Variants in RYR1 observed in about 807,000 individuals in gnomAD.
RYR1 encodes the protein central core disease of muscle.
Under a neutral mutation model 583.5 loss-of-function variants are expected in RYR1, and 342 were observed. That is an observed-to-expected ratio of 0.59 (90% CI 0.54 to 0.64). The LOEUF is 0.64. Among genes scored for constraint, RYR1 ranks in the 30% least tolerant of loss-of-function variants. The probability of loss-of-function intolerance (pLI) is 0.00; values close to 1 mark genes in which losing one functional copy is unlikely to be tolerated. For missense variants in RYR1, 6,032 were observed against 6,917.2 expected, an observed-to-expected ratio of 0.87 and a Z score of 4.54; for synonymous variants, 2,791 against 2,822.5, an observed-to-expected ratio of 0.99 and a Z score of 0.35.
Position 38,512,396 on chromosome 19 carries a change from C to T in RYR1, c.9385C>T (p.Leu3129Phe), listed in dbSNP as rs143445685. The change falls in exon 63 of 106, where the codon CTC becomes TTC. Residue 3129 changes from leucine to phenylalanine, a missense_variant. Physicochemically the swap from Leu to Phe is conservative, Grantham distance 22 (BLOSUM62 0). Coordinates refer to ENST00000359596, the MANE Select transcript of RYR1 (RefSeq NM_000540.3). The surrounding 1 kb of genome is among the most constrained non-coding windows in gnomAD (Gnocchi z 5.1). Reference protein sequence around the residue: ...RTQVKGVGQNLTYTTVALLPV... With the variant: ...RTQVKGVGQNFTYTTVALLPV... ...CCAGGTGAAAGGCGTGGGCCAGAAC[C>T]TCACCTACACCACTGTGGCACTGCT... 6.4e-5 allele frequency: 104 copies of T among 1,614,012 alleles called. No individual in the cohort carries two copies. In the African/African-American group the frequency reaches 1.3e-3, roughly 21 times the overall value.
At chr19:38,482,913 G>C (rs1969083144) in intron 31 of RYR1, 114 bp from the exon 32 acceptor site, 3 of 915,794 alleles carry the variant, frequency 3.3e-6, no homozygotes, top group Non-Finnish European at 5.4e-6. Context: ...AGCCATTTTG[G>C]AGCCTCTAAC....
At position 38,466,139 on chromosome 19, in the gene RYR1, C is replaced by G. The variant is rs139363830; in HGVS notation, c.2919C>G (p.His973Gln). Residue 973 changes from histidine to glutamine, a missense_variant, in exon 24 of 106, where the codon CAC becomes CAG. By Grantham distance (24) the His-to-Gln change is conservative (BLOSUM62 0). Transcript: ENST00000359596. Reference sequence around the variant, plus strand: ...AGCCGGCTCCGCTGGACCTGAGCCACGTGCGGCTGACGCCGGCGCAGACGA... The same window carrying G: ...AGCCGGCTCCGCTGGACCTGAGCCAGGTGCGGCTGACGCCGGCGCAGACGA... Reference protein sequence around the residue: ...GYKPAPLDLSHVRLTPAQTTL... With the variant: ...GYKPAPLDLSQVRLTPAQTTL... 1.2e-6 allele frequency: 2 copies of G among 1,613,302 alleles called. No individual in the cohort carries two copies. The highest frequency in any genetic ancestry group is 2.7e-5 in the African/African-American group (2 of 75,038).
At position 38,537,929 on chromosome 19, in the gene RYR1, C is replaced by T. The variant is rs2145756550; in HGVS notation, c.11658C>T (p.Phe3886=). Residue 3886 remains phenylalanine (F), a synonymous_variant, in exon 84 of 106, where the codon TTC becomes TTT. Coordinates refer to ENST00000359596, the MANE Select transcript of RYR1 (RefSeq NM_000540.3). ...DDEFTQDLFR[F]LQLLCEGHNN... ...AATTCACACAAGACCTGTTCCGATT[C>T]CTACAATTGCTCTGTGAGGGGCACA... 1.9e-6 allele frequency: 3 copies of T among 1,614,072 alleles called. No individual in the cohort carries two copies. Among genetic ancestry groups the T allele is most frequent in the Middle Eastern group, 1.7e-4 (1 of 6,044 alleles).
chr19:38,532,849 C>T (rs1005429486), intron 78 of RYR1, 113 bp downstream of exon 78: 1 of 1,034,674 alleles, frequency 9.7e-7, no homozygotes, highest in Admixed American at 2.0e-5. Flanking sequence ...ACAGCAGTGA[C>T]CAAGTCAGTC....
chr19:38,580,707 T>C (rs1229067480), intron 101 of RYR1, among the ~76,000 whole-genome samples: 1 of 151,938 alleles, frequency 6.6e-6, no homozygotes, highest in African/African-American at 2.4e-5. Flanking sequence ...TAAAAAAAAA[T>C]TTAAACGTTA....
rs1355487795 is a variant in RYR1 at position 38,587,311 on chromosome 19, A to G, written c.15022-14A>G. ...AAGATGTGACCAATGAACTCTTTCT[A>G]TCCCCAATCCTAGGAGTCTTATGTC... On this transcript the variant is annotated splice_polypyrimidine_tract_variant and intron_variant, in intron 105 of 105. Transcript: ENST00000359596. The G allele has an allele frequency of 2.5e-6, 4 of 1,580,818 alleles. No individual in the cohort carries two copies. Among genetic ancestry groups the G allele is most frequent in the African/African-American group, 2.7e-5 (2 of 74,136 alleles).
rs113831421 is a variant in RYR1, at chr19:38,477,727, G to A, written c.4311G>A (p.Arg1437=). 8.1e-6 allele frequency: 13 copies of A among 1,614,156 alleles called. No individual in the cohort carries two copies. The highest frequency in any genetic ancestry group is 2.7e-5 in the African/African-American group (2 of 75,042). Residue 1437 remains arginine, a synonymous_variant, in exon 30 of 106, where the codon AGG becomes AGA. Transcript: ENST00000359596. ...LNTTTYYYSV[R]VFAGQEPSCV... ...GTCACCAGTACTATTACTCCGTGAGGGTCTTTGCTGGACAGGAGCCCAGCT... is the reference window on the plus strand; with the variant it reads ...GTCACCAGTACTATTACTCCGTGAGAGTCTTTGCTGGACAGGAGCCCAGCT...
intron 87 of RYR1, among the ~76,000 whole-genome samples, chr19:38,544,457 TACTGTTCCGCAGGTCGTGC>T (rs1972339982): frequency 6.6e-6 from 1 of 152,220 alleles, no homozygotes; most frequent in African/African-American, 2.4e-5. Flanking sequence ...GGCTGCCATA[TACTGTTCCGCAGGTCGTGC>T]ACTGCACAAA....
intron 1 of RYR1, among the ~76,000 whole-genome samples, chr19:38,440,136 A>G (rs1442906830): frequency 6.6e-6 from 1 of 152,100 alleles, no homozygotes; most frequent in Admixed American, 6.6e-5. Context: ...CCATTTTAAA[A>G]TGGGGATAAG....
chr19:38,584,177 T>C (rs934613862), intron 101 of RYR1, among the ~76,000 whole-genome samples: 3 of 151,514 alleles, frequency 2.0e-5, no homozygotes, highest in Admixed American at 6.6e-5. Context: ...CCCTAGCTCA[T>C]CCCTGGTCAC....
chr19:38,557,159 T>C (rs1205697798), intron 89 of RYR1, among the ~76,000 whole-genome samples: 1 of 148,212 alleles, frequency 6.7e-6, no homozygotes, highest in African/African-American at 2.5e-5. Context: ...GTTCAAGCGA[T>C]TCTCCTGCCT....
At position 38,546,456 on chromosome 19, in the gene RYR1, G is replaced by C. The variant is rs1972429144; in HGVS notation, c.12024G>C (p.Gln4008His). 6.2e-7 allele frequency: 1 copy of C among 1,613,936 alleles called. No individual in the cohort carries two copies. The highest frequency in any genetic ancestry group is 8.5e-7 in the Non-Finnish European group (1 of 1,179,962). The change falls in exon 88 of 106, where the codon CAG becomes CAC. Residue 4008 changes from glutamine to histidine, a missense_variant. Gln to His is a conservative substitution (Grantham distance 24). Coordinates refer to ENST00000359596, the MANE Select transcript of RYR1 (RefSeq NM_000540.3). Reference sequence around the variant, plus strand: ...GCTGGGATCTCTAGGACTCAAGCCAGATCGAGCTGCTGAAGGAGCTGCTGG... The same window carrying C: ...GCTGGGATCTCTAGGACTCAAGCCACATCGAGCTGCTGAAGGAGCTGCTGG... ...MMMKLAQDSSQIELLKELLDL... is the reference protein window; with the variant it reads ...MMMKLAQDSSHIELLKELLDL...
rs756827391 is a variant in RYR1 at position 38,516,236 on chromosome 19, G to A, written c.9685+19G>A. 1.3e-6 allele frequency: 2 copies of A among 1,581,450 alleles called. No individual in the cohort carries two copies. The highest frequency in any genetic ancestry group is 1.2e-5 in the South Asian group (1 of 86,486). On this transcript the variant is annotated intron_variant, in intron 65 of 105. Transcript: ENST00000359596. Reference sequence around the variant, plus strand: ...CGGGCCAGTAAGCTGTGTGGGGCGGGAGCAGTGCTGGGAGTCCAAATCTCC... The same window carrying A: ...CGGGCCAGTAAGCTGTGTGGGGCGGAAGCAGTGCTGGGAGTCCAAATCTCC...
Position 38,565,815 on chromosome 19 carries a change from A to T in RYR1, c.13437+44A>T. The stretch of plus-strand genomic sequence containing the variant: ...TTTTGGGGTTTTGGAAAGATGGGGG[A>T]TTGGAGGGAGGAAGAGAGCCCGGCT... On this transcript the variant is annotated intron_variant, in intron 91 of 105. Coordinates refer to ENST00000359596, the MANE Select transcript of RYR1 (RefSeq NM_000540.3). The surrounding 1 kb of genome is among the most constrained non-coding windows in gnomAD (Gnocchi z 4.7). The T allele has an allele frequency of 7.3e-7, 1 of 1,365,652 alleles. No individual in the cohort carries two copies. Among genetic ancestry groups the T allele is most frequent in the Non-Finnish European group, 9.4e-7 (1 of 1,067,154 alleles). 84.6% of individuals were successfully genotyped at this position (1,365,652 alleles called of 1,614,324 possible). A position where few individuals can be genotyped will look rare whatever the true frequency, so the allele number is the denominator to read the frequency against.
rs55876273 is a variant in RYR1, at chr19:38,527,707, G to A, written c.10747G>A (p.Glu3583Lys). The A allele has an allele frequency of 3.1e-6, 5 of 1,614,124 alleles. No individual in the cohort carries two copies. The highest frequency in any genetic ancestry group is 1.1e-5 in the South Asian group (1 of 91,076). The change falls in exon 73 of 106, where the codon GAG (glutamate) becomes AAG (lysine). Residue 3583 changes from glutamate to lysine, a missense_variant. By Grantham distance (56) the Glu-to-Lys change is moderately conservative (BLOSUM62 1). Transcript: ENST00000359596. Reference sequence around the variant, plus strand: ...TCTGTACCGGGGCGTCCCGGGTCGCGAGGAGGACGCCGATGACCCCGAGAA... The same window carrying A: ...TCTGTACCGGGGCGTCCCGGGTCGCAAGGAGGACGCCGATGACCCCGAGAA... ...MALYRGVPGREEDADDPEKIV... is the reference protein window; with the variant it reads ...MALYRGVPGRKEDADDPEKIV...
intron 18 of RYR1, 55 bp from the exon 19 acceptor site, chr19:38,459,091 A>G (rs970318257): frequency 3.9e-5 from 57 of 1,452,434 alleles, no homozygotes; most frequent in Non-Finnish European, 5.2e-5. Context: ...TTCTCTTGTT[A>G]TCATTGGTTC....
At position 38,505,375 on chromosome 19, in the gene RYR1, C is replaced by A. The variant is rs369040621; in HGVS notation, c.8377C>A (p.Pro2793Thr). ...GCTGAAGACCCACCCCATGCTGAGG[C>A]CCTACAAGACCTTTTCAGAGAAGGT... is the stretch of plus-strand genomic sequence containing the variant. Reference protein sequence around the residue: ...EELKTHPMLRPYKTFSEKDKE... With the variant: ...EELKTHPMLRTYKTFSEKDKE... The change falls in exon 53 of 106, where the codon CCC (proline) becomes ACC (threonine). Residue 2793 changes from proline (P) to threonine (T), a missense_variant. This residue lies in a region of RYR1 where 1,493 missense variants were observed against 1,715.5 expected (regional missense o/e 0.87). Coordinates refer to ENST00000359596, the MANE Select transcript of RYR1 (RefSeq NM_000540.3). 6.2e-7 allele frequency: 1 copy of A among 1,610,936 alleles called. No individual in the cohort carries two copies. Among genetic ancestry groups the A allele is most frequent in the Non-Finnish European group, 8.5e-7 (1 of 1,178,426 alleles).
chr19:38,543,334 T>C lies in RYR1; in HGVS notation c.11690-13T>C. On this transcript the variant is annotated splice_polypyrimidine_tract_variant and intron_variant, in intron 84 of 105. Transcript: ENST00000359596. This position sits in a 1 kb window ranked among gnomAD's most constrained non-coding sequence, Gnocchi z 4.4. ...ATGGGAGGTGCTGGATAAATGACTT[T>C]TCATCTCCCCAGATTTCCAGAACTA... is the stretch of plus-strand genomic sequence containing the variant. 6.2e-7 allele frequency: 1 copy of C among 1,613,036 alleles called. No individual in the cohort carries two copies. Among genetic ancestry groups the C allele is most frequent in the South Asian group, 1.1e-5 (1 of 91,054 alleles).
rs1362866280 is a variant in RYR1, at chr19:38,572,373, G to C, written c.13998+103G>C. On this transcript the variant is annotated intron_variant, in intron 95 of 105. Coordinates refer to ENST00000359596, the MANE Select transcript of RYR1 (RefSeq NM_000540.3). ...GGGCTGGGGGCCCTCAAAGTGGTTG[G>C]GACAGAGGGGGCCTAGGGTTGGGGT... 11 of 1,295,148 alleles carry C rather than the reference G, an allele frequency of 8.5e-6. No individual in the cohort carries two copies. In the Admixed American group the frequency reaches 2.3e-4, roughly 27 times the overall value. 80.2% of individuals were successfully genotyped at this position (1,295,148 alleles called of 1,614,324 possible).
Sources: allele counts gnomAD v4.1 joint callset (sites outside exome capture counted in the v4.1 genomes callset), GRCh38; gene constraint gnomAD v4.1.1; regional missense constraint gnomAD v4.1.1; non-coding constraint Gnocchi (gnomAD v3.1); transcripts MANE v1.5; gene names NCBI Gene and HGNC (gene_info 2026-07-23, HGNC 2026-07-21).